TMEM132B: variants seen among roughly 807,000 people sequenced by gnomAD.
TMEM132B encodes transmembrane protein 132B.
TMEM132B carries 18 observed loss-of-function variants against 90.8 expected under a neutral mutation model. The observed-to-expected ratio is 0.20, with a 90% CI of 0.14 to 0.29. TMEM132B has a LOEUF of 0.29. Ranked by LOEUF, TMEM132B falls within the 10% of genes least tolerant of loss-of-function variation. The probability of loss-of-function intolerance (pLI) is 1.00; values close to 1 mark genes in which losing one functional copy is unlikely to be tolerated. For missense variants in TMEM132B, 1,096 were observed against 1,326.8 expected (o/e 0.83, Z 2.70); for synonymous variants, 504 against 523.3 (o/e 0.96, Z 0.50).
At chr12:125,500,653 G>A (rs1882672351) in intron 3 of TMEM132B, among the ~76,000 whole-genome samples, 1 of 152,194 alleles carries the variant, frequency 6.6e-6, no homozygotes, top group African/African-American at 2.4e-5. Flanking sequence ...GAATTTTGTA[G>A]GACGTCAATC....
At position 125,636,019 on chromosome 12, in the gene TMEM132B, G is replaced by A. The variant is rs116754997; in HGVS notation, c.1438-8057G>A. Among the ~76,000 whole-genome samples the A allele has an allele frequency of 1.6e-3, 238 of 152,252 alleles. 1 individual carries two copies. Among genetic ancestry groups the A allele is most frequent in the African/African-American group, 5.2e-3 (217 of 41,540 alleles). On this transcript the variant is annotated intron_variant, in intron 5 of 8. Transcript: ENST00000682704. ...CTCTCTGCAGCACACTGCCACTGCT[G>A]GGAGTGGGTGTGGGTGGTGGTGGTG...
chr12:125,199,688 T>C (rs780730193), intron 1 of TMEM132B, among the ~76,000 whole-genome samples: 1 of 152,190 alleles, frequency 6.6e-6, no homozygotes, highest in African/African-American at 2.4e-5. Flanking sequence ...TTCCATGAAG[T>C]ACTTATGGAC....
intron 3 of TMEM132B, among the ~76,000 whole-genome samples, chr12:125,480,164 C>T (rs4382966): frequency 6.6e-6 from 1 of 152,108 alleles, no homozygotes; most frequent in Admixed American, 6.5e-5. Flanking sequence ...CAGGAAAGAT[C>T]TAAAATCGAC....
intron 4 of TMEM132B, among the ~76,000 whole-genome samples, chr12:125,570,408 G>A (rs367732273): frequency 1.3e-5 from 2 of 152,292 alleles, no homozygotes; most frequent in East Asian, 3.9e-4. Context: ...TTAGTTACTG[G>A]TTAATGAACT....
intron 3 of TMEM132B, among the ~76,000 whole-genome samples, 199 bp from the exon 4 acceptor site, chr12:125,519,240 C>T (rs1020463590): frequency 9.8e-5 from 15 of 152,318 alleles, no homozygotes; most frequent in South Asian, 2.1e-4. Flanking sequence ...GCCCTAGAGA[C>T]GGATCGTCAG....
chr12:125,272,919 G>A (rs1038404555), intron 1 of TMEM132B, among the ~76,000 whole-genome samples: 5 of 152,172 alleles, frequency 3.3e-5, no homozygotes, highest in African/African-American at 9.7e-5. Context: ...GTCAGATGCC[G>A]GGGGTCAGGA....
intron 3 of TMEM132B, among the ~76,000 whole-genome samples, chr12:125,515,628 TCA>T (rs1415288427): frequency 6.8e-6 from 1 of 147,652 alleles, no homozygotes; most frequent in Non-Finnish European, 1.5e-5. Context: ...ACACATTTAG[TCA>T]CACACATTGA....
At chr12:125,399,006 T>C (rs1436822307) in intron 2 of TMEM132B, among the ~76,000 whole-genome samples, 1 of 152,194 alleles carries the variant, frequency 6.6e-6, no homozygotes, top group Non-Finnish European at 1.5e-5. Flanking sequence ...TGCTGGCTGG[T>C]GCCTGGAGGC....
At chr12:125,281,063 G>A (rs762339408) in intron 1 of TMEM132B, among the ~76,000 whole-genome samples, 7 of 152,236 alleles carry the variant, frequency 4.6e-5, no homozygotes, top group Non-Finnish European at 1.0e-4. Flanking sequence ...AAGCATTTTG[G>A]CCTTGGGGTG....
intron 4 of TMEM132B, among the ~76,000 whole-genome samples, chr12:125,552,845 C>T (rs960377202): frequency 2.0e-4 from 30 of 152,200 alleles, no homozygotes; most frequent in Admixed American, 7.9e-4. Context: ...TGGGGAATAA[C>T]AGACACGTCC....
chr12:125,596,199 A>G (rs1331343601), intron 5 of TMEM132B, among the ~76,000 whole-genome samples: 3 of 152,204 alleles, frequency 2.0e-5, no homozygotes, highest in Non-Finnish European at 4.4e-5. Context: ...TTATATCACT[A>G]AACGGATATG....
At position 125,519,541 on chromosome 12, in the gene TMEM132B, G is replaced by T; in HGVS notation, c.1209G>T (p.Pro403=). The change falls in exon 4 of 9, where the codon CCG becomes CCT. Residue 403 remains proline, a synonymous_variant. Coordinates refer to ENST00000682704, the MANE Select transcript of TMEM132B (RefSeq NM_001366854.1). The part of the protein sequence containing the change: ...AQQITWQVEY[P]IEDSMSELVV... ...AGATTACCTGGCAGGTGGAGTACCC[G>T]ATTGAGGACTCCATGAGTGAGCTGG... 2 of 1,614,054 alleles carry T rather than the reference G, an allele frequency of 1.2e-6. No homozygotes were observed. Among genetic ancestry groups the T allele is most frequent in the Non-Finnish European group, 1.7e-6 (2 of 1,179,974 alleles).
intron 2 of TMEM132B, among the ~76,000 whole-genome samples, chr12:125,362,871 G>A (rs1878006185): frequency 6.6e-6 from 1 of 152,188 alleles, no homozygotes; most frequent in Non-Finnish European, 1.5e-5. Flanking sequence ...GCTTCGAAGG[G>A]GTAACCAACC....
intron 2 of TMEM132B, among the ~76,000 whole-genome samples, chr12:125,409,529 C>T (rs538415591): frequency 6.6e-6 from 1 of 151,904 alleles, no homozygotes; most frequent in South Asian, 2.1e-4. Context: ...TCCCAAGCCT[C>T]AGTGCCAAGT....
Position 125,650,927 on chromosome 12 carries a change from C to T in TMEM132B, c.1888C>T (p.Arg630Trp), listed in dbSNP as rs770068135. 28 of 1,612,524 alleles carry T rather than the reference C, an allele frequency of 1.7e-5. No homozygotes were observed. The highest frequency in any genetic ancestry group is 2.3e-5 in the Non-Finnish European group (27 of 1,179,956). ...ACAGGACGGCAGGACCCTGGCTGGT[C>T]GGGAGCCGGGAATAACCACGGTGCA... ...QLQDGRTLAG[R>W]EPGITTVQVL... is the part of the protein sequence containing the mutation. Residue 630 changes from arginine to tryptophan, a missense_variant, in exon 7 of 9, where the codon CGG becomes TGG. By Grantham distance (101) the Arg-to-Trp change is moderately radical (BLOSUM62 -3). Transcript: ENST00000682704.
At chr12:125,322,516 G>A (rs1876456657) in intron 1 of TMEM132B, among the ~76,000 whole-genome samples, 1 of 152,190 alleles carries the variant, frequency 6.6e-6, no homozygotes, top group South Asian at 2.1e-4. Context: ...AGCTGTGAGT[G>A]GGAAGAGGGA....
intron 4 of TMEM132B, among the ~76,000 whole-genome samples, chr12:125,531,956 A>G (rs1219219260): frequency 5.9e-5 from 9 of 152,350 alleles, no homozygotes; most frequent in African/African-American, 1.9e-4. Flanking sequence ...ATTCCAGCAC[A>G]TAGTGCCAGG....
At chr12:125,208,837 C>T (rs1873247507) in intron 1 of TMEM132B, among the ~76,000 whole-genome samples, 1 of 152,112 alleles carries the variant, frequency 6.6e-6, no homozygotes, top group Non-Finnish European at 1.5e-5. Context: ...GCTTTGTGTC[C>T]AGGGTCCAAA....
At chr12:125,222,840 G>T (rs1444314188) in intron 1 of TMEM132B, among the ~76,000 whole-genome samples, 1 of 152,146 alleles carries the variant, frequency 6.6e-6, no homozygotes, top group East Asian at 1.9e-4. Flanking sequence ...ATGTCCCTGG[G>T]GGGCAAGATT....
Sources: gnomAD v4.1 joint callset for allele counts (sites outside exome capture counted in the v4.1 genomes callset) on GRCh38, gnomAD v4.1.1 for gene constraint, MANE v1.5 for transcripts, NCBI Gene and HGNC (gene_info 2026-07-23, HGNC 2026-07-21) for gene names.